The following SOX1 variants were observed in gnomAD, a reference collection of about 807,000 sequenced individuals.
The protein encoded by SOX1 is transcription factor SOX-1.
A neutral mutation model predicts 0.9 loss-of-function variants in SOX1; 1 was observed. That is an observed-to-expected ratio of 1.07 (90% CI 0.38 to 5.06). SOX1 has a LOEUF of 5.06. Ranked by LOEUF, SOX1 falls within the 30% of genes most tolerant of loss-of-function variation. The pLI is 0.16. For synonymous variants in SOX1, 397 were observed against 265.5 expected (o/e 1.50, Z -4.81); for missense variants, 564 against 534.4 (o/e 1.06, Z -0.55).
Position 112,068,574 on chromosome 13 carries a change from G to A in SOX1, c.916G>A (p.Ala306Thr). The change falls in exon 1 of 1, where the codon GCG (alanine) becomes ACG (threonine). Residue 306 changes from alanine to threonine, a missense_variant. Coordinates refer to ENST00000330949, the MANE Select transcript of SOX1 (RefSeq NM_005986.3). The surrounding 1 kb of genome is among the most constrained non-coding windows in gnomAD (Gnocchi z 6.9). ...GGCGGCGGCGGCGGCGGCGGCGGCC[G>A]CGTCGTCGGGCGCCCTGGGCGCGCT... ...AVAAAAAAAA[A>T]SSGALGALGS... 1 of 1,063,232 alleles carries A rather than the reference G, an allele frequency of 9.4e-7. No individual in the cohort carries two copies. The highest frequency in any genetic ancestry group is 1.1e-6 in the Non-Finnish European group (1 of 883,286). The allele number at this position is 1,063,232 out of a possible 1,614,324, so 65.9% of individuals were successfully genotyped here.
chr13:112,070,743 A>G lies in SOX1; in HGVS notation c.*1909A>G, dbSNP rs1203767715. ...CTTTAAGTATAATGCTGATCTGACAATTGACGTGTAATTTGGGAAGTCATT... is the reference window on the plus strand; with the variant it reads ...CTTTAAGTATAATGCTGATCTGACAGTTGACGTGTAATTTGGGAAGTCATT... On this transcript the variant is annotated 3_prime_UTR_variant, in exon 1 of 1. Coordinates refer to ENST00000330949, the MANE Select transcript of SOX1 (RefSeq NM_005986.3). Among the ~76,000 whole-genome samples the G allele has an allele frequency of 6.6e-6, 1 of 151,004 alleles. No homozygotes were observed. Among genetic ancestry groups the G allele is most frequent in the Non-Finnish European group, 1.5e-5 (1 of 68,046 alleles).
Position 112,068,499 on chromosome 13 carries a change from G to C in SOX1, c.841G>C (p.Ala281Pro). Residue 281 changes from alanine to proline, a missense_variant, in exon 1 of 1, where the codon GCG becomes CCG. Ala to Pro is a conservative substitution (Grantham distance 27). Transcript: ENST00000330949. This position sits in a 1 kb window ranked among gnomAD's most constrained non-coding sequence, Gnocchi z 6.9. ...SGYGGLPYGA[A>P]AAAAAAAGGA... is the part of the protein sequence containing the mutation. ...CTACGGCGGCCTCCCCTACGGCGCC[G>C]CGGCCGCCGCCGCCGCCGCTGCGGG... 5 of 1,025,854 alleles carry C rather than the reference G, an allele frequency of 4.9e-6. No individual in the cohort carries two copies. The highest frequency in any genetic ancestry group is 5.8e-6 in the Non-Finnish European group (5 of 857,786). 63.5% of individuals were successfully genotyped at this position (1,025,854 alleles called of 1,614,324 possible).
rs534344173 is a variant in SOX1, at chr13:112,069,351, A to G, written c.*517A>G. On this transcript the variant is annotated 3_prime_UTR_variant, in exon 1 of 1. Coordinates refer to ENST00000330949, the MANE Select transcript of SOX1 (RefSeq NM_005986.3). The stretch of plus-strand genomic sequence containing the variant: ...TACCGCTCTTTTGGGTTGGTTTGTT[A>G]ATTTATACAAAGAGATTACCACCAC... 1 of 167,108 alleles carries G rather than the reference A, an allele frequency of 6.0e-6. No homozygotes were observed. The highest frequency in any genetic ancestry group is 2.4e-5 in the African/African-American group (1 of 41,496). 10.4% of individuals were successfully genotyped at this position (167,108 alleles called of 1,614,324 possible).
At position 112,070,837 on chromosome 13, in the gene SOX1, G is replaced by A. The variant is rs763303669; in HGVS notation, c.*2003G>A. Among the ~76,000 whole-genome samples, 15 of 151,606 alleles carry A rather than the reference G, an allele frequency of 9.9e-5. No homozygotes were observed. The highest frequency in any genetic ancestry group is 1.8e-4 in the Non-Finnish European group (12 of 67,984). On this transcript the variant is annotated 3_prime_UTR_variant, in exon 1 of 1. Coordinates refer to ENST00000330949, the MANE Select transcript of SOX1 (RefSeq NM_005986.3). ...AAAAAGTTCAAGAATGATGTCCACT[G>A]CTTTCTAACAAGATAATAAACCCCC...
chr13:112,068,384 C>T lies in SOX1; in HGVS notation c.726C>T (p.Asn242=), dbSNP rs1880788452. The T allele has an allele frequency of 1.5e-6, 2 of 1,292,358 alleles. No homozygotes were observed. Among genetic ancestry groups the T allele is most frequent in the African/African-American group, 3.2e-5 (2 of 62,782 alleles). 80.1% of individuals were successfully genotyped at this position (1,292,358 alleles called of 1,614,324 possible). ...HPHHPHAHPH[N]PQPMHRYDMG... ...ACCACCCGCACGCGCACCCGCACAACCCGCAGCCCATGCACCGCTACGACA... is the reference window on the plus strand; with the variant it reads ...ACCACCCGCACGCGCACCCGCACAATCCGCAGCCCATGCACCGCTACGACA... Residue 242 remains asparagine, a synonymous_variant, in exon 1 of 1, where the codon AAC becomes AAT. Coordinates refer to ENST00000330949, the MANE Select transcript of SOX1 (RefSeq NM_005986.3). This position sits in a 1 kb window ranked among gnomAD's most constrained non-coding sequence, Gnocchi z 6.9.
Position 112,070,605 on chromosome 13 carries a change from T to C in SOX1, c.*1771T>C, listed in dbSNP as rs1875834618. On this transcript the variant is annotated 3_prime_UTR_variant, in exon 1 of 1. Coordinates refer to ENST00000330949, the MANE Select transcript of SOX1 (RefSeq NM_005986.3). ...ACGTTTATTTCAGCAGCCTTAGGTT[T>C]CCCCTCGCTTTCTCAACACCCTTCC... The C allele has an allele frequency of 6.0e-6, 1 of 167,070 alleles. No homozygotes were observed. The highest frequency in any genetic ancestry group is 1.5e-5 in the Non-Finnish European group (1 of 68,110). 10.3% of individuals were successfully genotyped at this position (167,070 alleles called of 1,614,324 possible).
chr13:112,071,304 G>A lies in SOX1; in HGVS notation c.*2470G>A, dbSNP rs1875868210. Among the ~76,000 whole-genome samples, 1 of 152,234 alleles carries A rather than the reference G, an allele frequency of 6.6e-6. No homozygotes were observed. The highest frequency in any genetic ancestry group is 2.1e-4 in the South Asian group (1 of 4,830). On this transcript the variant is annotated 3_prime_UTR_variant, in exon 1 of 1. Coordinates refer to ENST00000330949, the MANE Select transcript of SOX1 (RefSeq NM_005986.3). ...GTGCGCCCGGGACGCCAGGCAAGCA[G>A]CTTTTACAGTTTGGCATCTTATTGC... is the stretch of plus-strand genomic sequence containing the variant.
At position 112,070,778 on chromosome 13, in the gene SOX1, T is replaced by C. The variant is rs142319181; in HGVS notation, c.*1944T>C. Among the ~76,000 whole-genome samples, 14 of 152,364 alleles carry C rather than the reference T, an allele frequency of 9.2e-5. No homozygotes were observed. The highest frequency in any genetic ancestry group is 3.1e-4 in the African/African-American group (13 of 41,584). ...AATTTGGGAAGTCATTTTGATAATT[T>C]TGCTTAAACCACTCATTCGTTAAAG... On this transcript the variant is annotated 3_prime_UTR_variant, in exon 1 of 1. Coordinates refer to ENST00000330949, the MANE Select transcript of SOX1 (RefSeq NM_005986.3).
Position 112,067,545 on chromosome 13 carries a change from A to ACCCCCC in SOX1, c.-112_-107dup. 3.6e-6 allele frequency: 1 copy of ACCCCCC among 279,682 alleles called. No homozygotes were observed. The highest frequency in any genetic ancestry group is 1.5e-4 in the South Asian group (1 of 6,594). 17.3% of individuals were successfully genotyped at this position (279,682 alleles called of 1,614,324 possible). On this transcript the variant is annotated 5_prime_UTR_variant, in exon 1 of 1. Transcript: ENST00000330949. This position sits in a 1 kb window ranked among gnomAD's most constrained non-coding sequence, Gnocchi z 5.1. Reference sequence around the variant, plus strand: ...CCTCCCCATTCTTCTCTCCGCTAGGACCCCCCCGCCCCCGTCTCACTCCGT... The same window carrying ACCCCCC: ...CCTCCCCATTCTTCTCTCCGCTAGGACCCCCCCCCCCCCGCCCCCGTCTCACTCCGT...
Position 112,068,213 on chromosome 13 carries a change from C to G in SOX1, c.555C>G (p.Asn185Lys). Reference protein sequence around the residue: ...GAAGGGYAHVNGWANGAYPGS... With the variant: ...GAAGGGYAHVKGWANGAYPGS... ...CGGGCGGCGGCTACGCGCACGTCAA[C>G]GGCTGGGCCAACGGCGCCTACCCCG... Residue 185 changes from asparagine to lysine, a missense_variant, in exon 1 of 1, where the codon AAC becomes AAG. Physicochemically the swap from Asn to Lys is moderately conservative, Grantham distance 94. Coordinates refer to ENST00000330949, the MANE Select transcript of SOX1 (RefSeq NM_005986.3). The surrounding 1 kb of genome is among the most constrained non-coding windows in gnomAD (Gnocchi z 6.9). 1 of 770,140 alleles carries G rather than the reference C, an allele frequency of 1.3e-6. No individual in the cohort carries two copies. The highest frequency in any genetic ancestry group is 1.6e-6 in the Non-Finnish European group (1 of 630,706). 47.7% of individuals were successfully genotyped at this position (770,140 alleles called of 1,614,324 possible). A position where few individuals can be genotyped will look rare whatever the true frequency, so the allele number is the denominator to read the frequency against.
Position 112,068,609 on chromosome 13 carries a change from G to A in SOX1, c.951G>A (p.Leu317=). The change falls in exon 1 of 1, where the codon CTG becomes CTA. Residue 317 remains leucine (L), a synonymous_variant. Coordinates refer to ENST00000330949, the MANE Select transcript of SOX1 (RefSeq NM_005986.3). The surrounding 1 kb of genome is among the most constrained non-coding windows in gnomAD (Gnocchi z 6.9). ...SSGALGALGS[L]VKSEPSGSPP... ...GCGCCCTGGGCGCGCTGGGCTCTCTGGTGAAGTCGGAGCCCAGCGGCAGCC... is the reference window on the plus strand; with the variant it reads ...GCGCCCTGGGCGCGCTGGGCTCTCTAGTGAAGTCGGAGCCCAGCGGCAGCC... 3 of 1,135,884 alleles carry A rather than the reference G, an allele frequency of 2.6e-6. No homozygotes were observed. Among genetic ancestry groups the A allele is most frequent in the South Asian group, 4.3e-5 (1 of 23,494 alleles). 70.4% of individuals were successfully genotyped at this position (1,135,884 alleles called of 1,614,324 possible).
At position 112,068,372 on chromosome 13, in the gene SOX1, G is replaced by C. The variant is rs182234949; in HGVS notation, c.714G>C (p.Ala238=). 494 of 1,273,078 alleles carry C rather than the reference G, an allele frequency of 3.9e-4. 7 individuals carry two copies. The East Asian group carries it at 0.021, about 54-fold the overall frequency. 78.9% of individuals were successfully genotyped at this position (1,273,078 alleles called of 1,614,324 possible). A position where few individuals can be genotyped will look rare whatever the true frequency, so the allele number is the denominator to read the frequency against. Residue 238 remains alanine, a synonymous_variant, in exon 1 of 1, where the codon GCG becomes GCC. Transcript: ENST00000330949. The surrounding 1 kb of genome is among the most constrained non-coding windows in gnomAD (Gnocchi z 6.9). The part of the protein sequence containing the change: ...PAHPHPHHPH[A]HPHNPQPMHR... ...ACCCGCACCCGCACCACCCGCACGC[G>C]CACCCGCACAACCCGCAGCCCATGC...
chr13:112,067,741 C>CGGGCGGCGGCGGGGGCGGAGGCGG lies in SOX1; in HGVS notation c.96_119dup (p.Gly36_Gly43dup). 2.5e-6 allele frequency: 3 copies of CGGGCGGCGGCGGGGGCGGAGGCGG among 1,216,676 alleles called. No homozygotes were observed. The highest frequency in any genetic ancestry group is 7.0e-5 in the East Asian group (2 of 28,440). The allele number at this position is 1,216,676 out of a possible 1,614,324, so 75.4% of individuals were successfully genotyped here. A position where few individuals can be genotyped will look rare whatever the true frequency, so the allele number is the denominator to read the frequency against. On this transcript the variant is annotated inframe_insertion, in exon 1 of 1. Coordinates refer to ENST00000330949, the MANE Select transcript of SOX1 (RefSeq NM_005986.3). This position sits in a 1 kb window ranked among gnomAD's most constrained non-coding sequence, Gnocchi z 5.1. ...ACGAACCTCTCGGGCCCCGCCGGGGCGGGCGGCGGCGGGGGCGGAGGCGGG... is the reference window on the plus strand; with the variant it reads ...ACGAACCTCTCGGGCCCCGCCGGGGCGGGCGGCGGCGGGGGCGGAGGCGGGGGCGGCGGCGGGGGCGGAGGCGGG...
Position 112,068,506 on chromosome 13 carries a change from CCGCCGCCGCCGCTGCGGGCGG to C in SOX1, c.852_872del (p.Ala285_Ala291del), listed in dbSNP as rs1363156743. 2 of 1,003,764 alleles carry C rather than the reference CCGCCGCCGCCGCTGCGGGCGG, an allele frequency of 2.0e-6. No individual in the cohort carries two copies. The highest frequency in any genetic ancestry group is 3.6e-5 in the African/African-American group (2 of 54,800). 62.2% of individuals were successfully genotyped at this position (1,003,764 alleles called of 1,614,324 possible). A position where few individuals can be genotyped will look rare whatever the true frequency, so the allele number is the denominator to read the frequency against. ...GGCCTCCCCTACGGCGCCGCGGCCG[CCGCCGCCGCCGCTGCGGGCGG>C]CGCGCACCAGAACTCGGCCGTGGCG... On this transcript the variant is annotated inframe_deletion, in exon 1 of 1. Transcript: ENST00000330949. This position sits in a 1 kb window ranked among gnomAD's most constrained non-coding sequence, Gnocchi z 6.9.
chr13:112,068,073 G>A lies in SOX1; in HGVS notation c.415G>A (p.Gly139Ser), dbSNP rs139160172. ...CAAGAAGGACAAGTACTCGCTGGCC[G>A]GCGGGCTCCTGGCGGCCGGCGCGGG... ...LLKKDKYSLA[G>S]GLLAAGAGGG... is the part of the protein sequence containing the mutation. The change falls in exon 1 of 1, where the codon GGC (glycine) becomes AGC (serine). Residue 139 changes from glycine to serine, a missense_variant. By Grantham distance (56) the Gly-to-Ser change is moderately conservative. Transcript: ENST00000330949. The surrounding 1 kb of genome is among the most constrained non-coding windows in gnomAD (Gnocchi z 6.9). The A allele has an allele frequency of 0.021, 32,777 of 1,569,912 alleles. 398 individuals carry two copies. The highest frequency in any genetic ancestry group is 0.023 in the East Asian group (932 of 40,702).
At position 112,068,157 on chromosome 13, in the gene SOX1, G is replaced by T; in HGVS notation, c.499G>T (p.Gly167Cys). Residue 167 changes from glycine (G) to cysteine (C), a missense_variant, in exon 1 of 1, where the codon GGC (glycine) becomes TGC (cysteine). By Grantham distance (159) the Gly-to-Cys change is radical. Transcript: ENST00000330949. The surrounding 1 kb of genome is among the most constrained non-coding windows in gnomAD (Gnocchi z 6.9). ...VGVGVGAAAV[G>C]QRLESPGGAA... ...CGTGGGCGTGGGCGCGGCGGCCGTG[G>T]GCCAGCGCCTGGAGAGCCCAGGCGG... 1 of 991,682 alleles carries T rather than the reference G, an allele frequency of 1.0e-6. No individual in the cohort carries two copies. Among genetic ancestry groups the T allele is most frequent in the Non-Finnish European group, 1.2e-6 (1 of 820,394 alleles). The allele number at this position is 991,682 out of a possible 1,614,324, so 61.4% of individuals were successfully genotyped here.
chr13:112,067,297 A>G lies in SOX1; in HGVS notation c.-362A>G, dbSNP rs1441086637. On this transcript the variant is annotated 5_prime_UTR_variant, in exon 1 of 1. Transcript: ENST00000330949. This position sits in a 1 kb window ranked among gnomAD's most constrained non-coding sequence, Gnocchi z 5.1. ...GCACACCCCGGGCCGGGCCCAGCGC[A>G]CCGCTCCCGGCCCCAAAAGCGGAGC... Among the ~76,000 whole-genome samples the G allele has an allele frequency of 6.6e-6, 1 of 151,912 alleles. No homozygotes were observed.
rs1880782946 is a variant in SOX1 at position 112,068,322 on chromosome 13, G to A, written c.664G>A (p.Ala222Thr). ...AYGQHPGAGGAHPHAHPAHPH... is the reference protein window; with the variant it reads ...AYGQHPGAGGTHPHAHPAHPH... ...CGGGCAGCACCCGGGCGCGGGCGGC[G>A]CGCACCCGCACGCGCACCCCGCGCA... The change falls in exon 1 of 1, where the codon GCG becomes ACG. Residue 222 changes from alanine (A) to threonine (T), a missense_variant. Transcript: ENST00000330949. The surrounding 1 kb of genome is among the most constrained non-coding windows in gnomAD (Gnocchi z 6.9). 1.8e-6 allele frequency: 2 copies of A among 1,103,920 alleles called. No individual in the cohort carries two copies. Among genetic ancestry groups the A allele is most frequent in the East Asian group, 1.2e-4 (2 of 16,744 alleles). 68.4% of individuals were successfully genotyped at this position (1,103,920 alleles called of 1,614,324 possible).
Position 112,068,267 on chromosome 13 carries a change from G to A in SOX1, c.609G>A (p.Ala203=). ...PGSVAAAAAA[A]AMMQEAQLAY... ...CGGTGGCGGCGGCGGCGGCGGCCGCGGCCATGATGCAGGAGGCGCAGCTGG... is the reference window on the plus strand; with the variant it reads ...CGGTGGCGGCGGCGGCGGCGGCCGCAGCCATGATGCAGGAGGCGCAGCTGG... Residue 203 remains alanine, a synonymous_variant, in exon 1 of 1, where the codon GCG becomes GCA. Coordinates refer to ENST00000330949, the MANE Select transcript of SOX1 (RefSeq NM_005986.3). This position sits in a 1 kb window ranked among gnomAD's most constrained non-coding sequence, Gnocchi z 6.9. 1 of 826,626 alleles carries A rather than the reference G, an allele frequency of 1.2e-6. No homozygotes were observed. Among genetic ancestry groups the A allele is most frequent in the Non-Finnish European group, 1.5e-6 (1 of 677,362 alleles). The allele number at this position is 826,626 out of a possible 1,614,324, so 51.2% of individuals were successfully genotyped here. A position where few individuals can be genotyped will look rare whatever the true frequency, so the allele number is the denominator to read the frequency against.
Sources: allele counts gnomAD v4.1 joint callset (sites outside exome capture counted in the v4.1 genomes callset), GRCh38; gene constraint gnomAD v4.1.1; non-coding constraint Gnocchi (gnomAD v3.1); transcripts MANE v1.5; gene names NCBI Gene and HGNC (gene_info 2026-07-23, HGNC 2026-07-21).